Variants in PRKN observed in about 807,000 individuals in gnomAD.
The protein encoded by PRKN is parkin RBR E3 ubiquitin protein ligase, also known as E3 ubiquitin-protein ligase parkin.
In PRKN, 56 loss-of-function variants were observed where a neutral mutation model predicts 59.5. That is an observed-to-expected ratio of 0.94 (90% CI 0.76 to 1.18). PRKN has a LOEUF of 1.18. Among genes scored for constraint, PRKN ranks in the 50% most tolerant of loss-of-function variants. The pLI, the probability that PRKN is intolerant of heterozygous loss-of-function variation, is 0.00. For missense variants in PRKN, 657 were observed against 596.4 expected (o/e 1.10, Z -1.06); for synonymous variants, 250 against 222.1 (o/e 1.13, Z -1.12).
chr6:162,356,032 A>G (rs1784842355), intron 2 of PRKN, among the ~76,000 whole-genome samples: 1 of 152,148 alleles, frequency 6.6e-6, no homozygotes, highest in Non-Finnish European at 1.5e-5. Context: ...TCCAGTATAC[A>G]GGGCTATCTC....
chr6:161,735,632 T>C (rs2128189731), intron 7 of PRKN, among the ~76,000 whole-genome samples: 1 of 152,146 alleles, frequency 6.6e-6, no homozygotes, highest in African/African-American at 2.4e-5. Flanking sequence ...AGTGAGACTG[T>C]AAGGCCAGGC....
intron 3 of PRKN, among the ~76,000 whole-genome samples, chr6:162,239,450 T>C (rs1038657214): frequency 6.6e-6 from 1 of 152,048 alleles, no homozygotes; most frequent in East Asian, 1.9e-4. Flanking sequence ...TTCCATTTTA[T>C]AGATGATTAA....
rs1486241466 is a variant in PRKN at position 161,533,001 on chromosome 6, A to C, written c.1083+15853T>G. Among the ~76,000 whole-genome samples, 1 of 152,228 alleles carries C rather than the reference A, an allele frequency of 6.6e-6. No homozygotes were observed. The highest frequency in any genetic ancestry group is 1.5e-5 in the Non-Finnish European group (1 of 68,042). ...TTGCTATTTCAGACTTGTAAATATTAAACTCATATTTTTAGATTTAAAAAA... is the reference window on the plus strand; with the variant it reads ...TTGCTATTTCAGACTTGTAAATATTCAACTCATATTTTTAGATTTAAAAAA... On this transcript the variant is annotated intron_variant, in intron 9 of 11. Coordinates refer to ENST00000366898, the MANE Select transcript of PRKN (RefSeq NM_004562.3). The surrounding 1 kb of genome is among the most constrained non-coding windows in gnomAD (Gnocchi z 4.1).
rs1491448770 is a variant in PRKN at position 161,861,615 on chromosome 6, TCA to T, written c.735-75709_735-75708del. Among the ~76,000 whole-genome samples the T allele has an allele frequency of 9.6e-4, 21 of 21,940 alleles. No homozygotes were observed. In the Middle Eastern group the frequency reaches 0.068, roughly 71 times the overall value. The allele number at this position is 21,940 out of a possible 152,430, so 14.4% of individuals were successfully genotyped here. The stretch of plus-strand genomic sequence containing the variant: ...AAATTTTTTTAAAAAGTATAAACAT[TCA>T]AAAAAAAAAAAAAAAACCTTAGAGT... On this transcript the variant is annotated intron_variant, in intron 6 of 11. Transcript: ENST00000366898.
At chr6:161,631,513 G>A (rs1429285300) in intron 7 of PRKN, among the ~76,000 whole-genome samples, 1 of 152,136 alleles carries the variant, frequency 6.6e-6, no homozygotes, top group Non-Finnish European at 1.5e-5. Flanking sequence ...AAAGCAATGA[G>A]TGTAAATAGA....
intron 8 of PRKN, among the ~76,000 whole-genome samples, chr6:161,567,037 T>TTGG (rs1780674942): frequency 1.9e-5 from 2 of 103,770 alleles, no homozygotes; most frequent in African/African-American, 7.9e-5. Context: ...TTTTTTTTTT[T>TTGG]TGTGTGTGTG....
intron 4 of PRKN, among the ~76,000 whole-genome samples, chr6:162,145,648 C>T (rs1024467867): frequency 5.9e-5 from 9 of 152,140 alleles, no homozygotes; most frequent in Non-Finnish European, 1.3e-4. Context: ...TCAAGGGCCC[C>T]AGATAACAGA....
rs551693563 is a variant in PRKN, at chr6:161,470,847, T to A, written c.1083+78007A>T. Among the ~76,000 whole-genome samples, 1 of 152,106 alleles carries A rather than the reference T, an allele frequency of 6.6e-6. No individual in the cohort carries two copies. Among genetic ancestry groups the A allele is most frequent in the South Asian group, 2.1e-4 (1 of 4,818 alleles). On this transcript the variant is annotated intron_variant, in intron 9 of 11. Transcript: ENST00000366898. The surrounding 1 kb of genome is among the most constrained non-coding windows in gnomAD (Gnocchi z 5.1). ...ATGAATCTGAGATTTGTGGGCTGGG[T>A]GTCTGCCTATGTGTGTGCAGAGAAC...
intron 7 of PRKN, among the ~76,000 whole-genome samples, chr6:161,625,846 C>G (rs1326711729): frequency 6.6e-6 from 1 of 152,160 alleles, no homozygotes; most frequent in Admixed American, 6.5e-5. Context: ...TGATACCCTT[C>G]CCTTAGTCAC....
chr6:161,965,649 A>C (rs780123721), intron 6 of PRKN, among the ~76,000 whole-genome samples: 2 of 152,064 alleles, frequency 1.3e-5, no homozygotes, highest in Non-Finnish European at 2.9e-5. Context: ...TTGGTTTTAT[A>C]CATGTTAAGG....
chr6:161,459,035 G>A lies in PRKN; in HGVS notation c.1084-72158C>T, dbSNP rs925761410. ...TATCCAGGAGGGATTTTAAGGCAAG[G>A]CTGAGCTTTCTAAAGCTACAAGCAC... On this transcript the variant is annotated intron_variant, in intron 9 of 11. Coordinates refer to ENST00000366898, the MANE Select transcript of PRKN (RefSeq NM_004562.3). The surrounding 1 kb of genome is among the most constrained non-coding windows in gnomAD (Gnocchi z 4.8). Among the ~76,000 whole-genome samples, 2 of 152,144 alleles carry A rather than the reference G, an allele frequency of 1.3e-5. No homozygotes were observed. The highest frequency in any genetic ancestry group is 2.9e-5 in the Non-Finnish European group (2 of 68,040).
At chr6:161,959,633 T>C (rs1025772228) in intron 6 of PRKN, among the ~76,000 whole-genome samples, 1 of 152,212 alleles carries the variant, frequency 6.6e-6, no homozygotes, top group Non-Finnish European at 1.5e-5. Context: ...ACATGGTCCC[T>C]CCTAACTCAA....
intron 6 of PRKN, among the ~76,000 whole-genome samples, chr6:161,795,731 C>T (rs574742058): frequency 1.5e-3 from 225 of 152,042 alleles, no homozygotes; most frequent in Middle Eastern, 0.01. Context: ...TAATAAGAGG[C>T]CACTCAGTCC....
At chr6:161,911,435 G>A (rs1778356876) in intron 6 of PRKN, among the ~76,000 whole-genome samples, 2 of 152,156 alleles carry the variant, frequency 1.3e-5, no homozygotes, top group Admixed American at 1.3e-4. Context: ...AGAAAAAAAA[G>A]TGATGACTTC....
chr6:162,478,576 C>T (rs946919511), intron 1 of PRKN, among the ~76,000 whole-genome samples: 1 of 152,288 alleles, frequency 6.6e-6, no homozygotes, highest in Admixed American at 6.5e-5. Context: ...GAGTAACCAA[C>T]CGTGAAACCA....
At chr6:161,667,603 G>A (rs546422279) in intron 7 of PRKN, among the ~76,000 whole-genome samples, 1 of 152,274 alleles carries the variant, frequency 6.6e-6, no homozygotes. Flanking sequence ...TCAAGAGCTG[G>A]TTTTATCATT....
intron 2 of PRKN, among the ~76,000 whole-genome samples, chr6:162,403,172 T>G (rs769458682): frequency 2.0e-5 from 3 of 152,194 alleles, no homozygotes; most frequent in Non-Finnish European, 4.4e-5. Flanking sequence ...TTCTTTCAAC[T>G]CACAAGGCCC....
chr6:162,375,992 G>A (rs1180197228), intron 2 of PRKN, among the ~76,000 whole-genome samples: 1 of 152,024 alleles, frequency 6.6e-6, no homozygotes, highest in Non-Finnish European at 1.5e-5. Context: ...CATCCTCCCT[G>A]GGAAGCTTCC....
rs1023325941 is a variant in PRKN, at chr6:161,551,272, G to A, written c.934-2269C>T. On this transcript the variant is annotated intron_variant, in intron 8 of 11. Transcript: ENST00000366898. The surrounding 1 kb of genome is among the most constrained non-coding windows in gnomAD (Gnocchi z 5.2). Reference sequence around the variant, plus strand: ...CCACAGCACAGCCCCAAATGCCAAGGAAGGACCTGGGGAGGCGCGCTGGCG... The same window carrying A: ...CCACAGCACAGCCCCAAATGCCAAGAAAGGACCTGGGGAGGCGCGCTGGCG... Among the ~76,000 whole-genome samples, 6 of 152,184 alleles carry A rather than the reference G, an allele frequency of 3.9e-5. No individual in the cohort carries two copies. The highest frequency in any genetic ancestry group is 8.8e-5 in the Non-Finnish European group (6 of 68,036).
Sources: allele counts gnomAD v4.1 joint callset (sites outside exome capture counted in the v4.1 genomes callset), GRCh38; gene constraint gnomAD v4.1.1; non-coding constraint Gnocchi (gnomAD v3.1); transcripts MANE v1.5; gene names NCBI Gene and HGNC (gene_info 2026-07-23, HGNC 2026-07-21).